The following LRRTM4 variants were observed in gnomAD, a reference collection of about 807,000 sequenced individuals.
LRRTM4 encodes the protein leucine-rich repeat transmembrane neuronal protein 4.
Under a neutral mutation model 47.6 loss-of-function variants are expected in LRRTM4, and 25 were observed. The observed-to-expected ratio is 0.53, with a 90% CI of 0.38 to 0.73. The LOEUF (loss-of-function observed/expected upper bound fraction) is 0.73. Ranked by LOEUF, LRRTM4 falls within the 30% of genes least tolerant of loss-of-function variation. The pLI, the probability that LRRTM4 is intolerant of heterozygous loss-of-function variation, is 0.00. For synonymous variants in LRRTM4, 311 were observed against 269.5 expected (o/e 1.15, Z -1.51); for missense variants, 638 against 713.4 (o/e 0.89, Z 1.20).
intron 3 of LRRTM4, among the ~76,000 whole-genome samples, chr2:77,170,553 T>C (rs1331635272): frequency 6.6e-6 from 1 of 152,200 alleles, no homozygotes; most frequent in Non-Finnish European, 1.5e-5. Flanking sequence ...ATGTGTTGTA[T>C]TGTTTTAAGA....
chr2:76,771,891 G>C (rs1480736700), intron 3 of LRRTM4, among the ~76,000 whole-genome samples: 6 of 152,184 alleles, frequency 3.9e-5, no homozygotes, highest in African/African-American at 7.2e-5. Flanking sequence ...ACCTACCCAG[G>C]TGATTTTTGA....
chr2:76,757,979 G>A (rs778501579), intron 3 of LRRTM4, among the ~76,000 whole-genome samples: 3 of 152,150 alleles, frequency 2.0e-5, no homozygotes, highest in Non-Finnish European at 4.4e-5. Flanking sequence ...CTAAGAAGGT[G>A]TAATCGGCAT....
At chr2:77,315,129 C>T (rs866090250) in intron 3 of LRRTM4, among the ~76,000 whole-genome samples, 29 of 152,184 alleles carry the variant, frequency 1.9e-4, no homozygotes, top group African/African-American at 7.0e-4. Context: ...TATTTGTACA[C>T]TGTTGCATGT....
chr2:77,111,564 G>A (rs571669051), intron 3 of LRRTM4, among the ~76,000 whole-genome samples: 12 of 152,212 alleles, frequency 7.9e-5, no homozygotes, highest in African/African-American at 2.9e-4. Context: ...TGAGTAGGGT[G>A]ACAAAGTCTC....
At chr2:77,328,506 C>T (rs1182875641) in intron 3 of LRRTM4, among the ~76,000 whole-genome samples, 1 of 152,200 alleles carries the variant, frequency 6.6e-6, no homozygotes, top group Non-Finnish European at 1.5e-5. Flanking sequence ...GTCTCATCCT[C>T]ATCCTCTTTC....
chr2:76,869,498 G>A (rs1418130709), intron 3 of LRRTM4, among the ~76,000 whole-genome samples: 1 of 152,052 alleles, frequency 6.6e-6, no homozygotes, highest in African/African-American at 2.4e-5. Flanking sequence ...ACATTGTTTG[G>A]CTTATTCTGA....
At chr2:77,101,040 T>C (rs1216354458) in intron 3 of LRRTM4, among the ~76,000 whole-genome samples, 1 of 152,020 alleles carries the variant, frequency 6.6e-6, no homozygotes, top group Non-Finnish European at 1.5e-5. Flanking sequence ...TTTCACCACA[T>C]TGGCCAGGAT....
At chr2:77,063,164 T>C (rs930320610) in intron 3 of LRRTM4, among the ~76,000 whole-genome samples, 5 of 152,030 alleles carry the variant, frequency 3.3e-5, no homozygotes, top group African/African-American at 1.2e-4. Flanking sequence ...TTCACCATAT[T>C]GGCCAGGCTG....
intron 3 of LRRTM4, among the ~76,000 whole-genome samples, chr2:77,470,025 T>C (rs1306666453): frequency 6.6e-6 from 1 of 152,118 alleles, no homozygotes; most frequent in African/African-American, 2.4e-5. Flanking sequence ...TTGAAAGGCA[T>C]GGTTGGGTCA....
At chr2:77,483,452 T>C (rs930587376) in intron 3 of LRRTM4, among the ~76,000 whole-genome samples, 1 of 152,096 alleles carries the variant, frequency 6.6e-6, no homozygotes, top group African/African-American at 2.4e-5. Flanking sequence ...GCTATTCTCC[T>C]GCCTCAGCCT....
intron 3 of LRRTM4, among the ~76,000 whole-genome samples, chr2:77,014,157 A>G (rs1391520754): frequency 1.3e-5 from 2 of 152,188 alleles, no homozygotes; most frequent in African/African-American, 4.8e-5. Context: ...AGCAAGGCTG[A>G]GTAGAGAGGG....
intron 3 of LRRTM4, among the ~76,000 whole-genome samples, chr2:77,478,801 GT>G (rs1422058311): frequency 2.0e-5 from 3 of 152,174 alleles, no homozygotes; most frequent in Non-Finnish European, 4.4e-5. Context: ...TGTATTCAGA[GT>G]TTTTGTCTTT....
At chr2:77,052,799 A>T (rs1679483798) in intron 3 of LRRTM4, among the ~76,000 whole-genome samples, 3 of 152,046 alleles carry the variant, frequency 2.0e-5, no homozygotes, top group Admixed American at 2.0e-4. Context: ...AATACAAAGG[A>T]CGCTGACACA....
chr2:76,825,908 C>A (rs1671177679), intron 3 of LRRTM4, among the ~76,000 whole-genome samples: 1 of 151,556 alleles, frequency 6.6e-6, no homozygotes, highest in Non-Finnish European at 1.5e-5. Flanking sequence ...TCTGTAAGAG[C>A]AGAAATTATT....
intron 3 of LRRTM4, among the ~76,000 whole-genome samples, chr2:77,168,206 T>C (rs917347779): frequency 6.6e-6 from 1 of 152,098 alleles, no homozygotes; most frequent in Non-Finnish European, 1.5e-5. Context: ...TATTATTCCT[T>C]CTCTTTTTTC....
chr2:76,846,586 A>G (rs1177263225), intron 3 of LRRTM4, among the ~76,000 whole-genome samples: 1 of 151,962 alleles, frequency 6.6e-6, no homozygotes, highest in Non-Finnish European at 1.5e-5. Context: ...ATATCAGTTC[A>G]TCACAGAAAT....
In LRRTM4 at chr2:76,836,408, C is replaced by G. The variant is rs33997531; in HGVS notation, c.1552-87492G>C. ...CTTTCTTGTTTTATTTTGATCATGT[C>G]TATGCCAGCATTTGCAAATTTCCAC... On this transcript the variant is annotated intron_variant, in intron 3 of 3. Transcript: ENST00000409884. Among the ~76,000 whole-genome samples, 427 of 151,990 alleles carry G rather than the reference C, an allele frequency of 2.8e-3. 2 individuals are homozygous for G. Among genetic ancestry groups the G allele is most frequent in the African/African-American group, 9.8e-3 (409 of 41,524 alleles).
chr2:76,946,413 T>C (rs955811167), intron 3 of LRRTM4, among the ~76,000 whole-genome samples: 1 of 151,848 alleles, frequency 6.6e-6, no homozygotes, highest in Non-Finnish European at 1.5e-5. Flanking sequence ...CAAGAACTAA[T>C]ATATAATAAA....
At chr2:77,332,725 T>A (rs10208856) in intron 3 of LRRTM4, among the ~76,000 whole-genome samples, 3,025 of 152,328 alleles carry the variant, frequency 0.02, 112 homozygotes, top group African/African-American at 0.068. Flanking sequence ...GGGTTTATAC[T>A]CACATGCATA....
Sources: gnomAD v4.1 joint callset for allele counts (sites outside exome capture counted in the v4.1 genomes callset) on GRCh38, gnomAD v4.1.1 for gene constraint, MANE v1.5 for transcripts, NCBI Gene and HGNC (gene_info 2026-07-23, HGNC 2026-07-21) for gene names.